Variants in LRRC1 observed in about 807,000 individuals in gnomAD.
LRRC1 encodes leucine-rich repeat-containing protein 1.
In LRRC1, 28 loss-of-function variants were observed where a neutral mutation model predicts 69.9. The observed-to-expected ratio is 0.40, with a 90% CI of 0.30 to 0.55. LRRC1 has a LOEUF of 0.55. Among genes scored for constraint, LRRC1 ranks in the 20% least tolerant of loss-of-function variants. The pLI, the probability that LRRC1 is intolerant of heterozygous loss-of-function variation, is 0.47. For synonymous variants in LRRC1, 236 were observed against 240.2 expected, an observed-to-expected ratio of 0.98 and a Z score of 0.16; for missense variants, 498 against 609.0, an observed-to-expected ratio of 0.82 and a Z score of 1.92.
chr6:53,856,931 C>T (rs566739663), intron 2 of LRRC1, among the ~76,000 whole-genome samples: 26 of 152,014 alleles, frequency 1.7e-4, no homozygotes, highest in Admixed American at 7.2e-4. Flanking sequence ...CTTGCTGGAG[C>T]GGGAGGGAGA....
At position 53,851,173 on chromosome 6, in the gene LRRC1, G is replaced by GACACACACACAC. The variant is rs3222575; in HGVS notation, c.277+8967_277+8978dup. Among the ~76,000 whole-genome samples the GACACACACACAC allele has an allele frequency of 3.6e-3, 522 of 144,762 alleles. 16 individuals are homozygous for GACACACACACAC. The East Asian group carries it at 0.063, about 18-fold the overall frequency. The allele number at this position is 144,762 out of a possible 152,430, so 95.0% of individuals were successfully genotyped here. A position where few individuals can be genotyped will look rare whatever the true frequency, so the allele number is the denominator to read the frequency against. On this transcript the variant is annotated intron_variant, in intron 2 of 13. Coordinates refer to ENST00000370888, the MANE Select transcript of LRRC1 (RefSeq NM_018214.5). ...GTCTCCAGGGAAACAGAACTAATAG[G>GACACACACACAC]ACACACACACACACACACACACACA...
intron 1 of LRRC1, among the ~76,000 whole-genome samples, chr6:53,831,254 A>G (rs1418496668): frequency 1.3e-5 from 2 of 152,142 alleles, no homozygotes; most frequent in East Asian, 3.9e-4. Context: ...TACATAGTCA[A>G]TCCAGTTCAC....
At chr6:53,892,589 A>G (rs1767740524) in intron 4 of LRRC1, among the ~76,000 whole-genome samples, 2 of 152,314 alleles carry the variant, frequency 1.3e-5, no homozygotes, top group South Asian at 4.1e-4. Context: ...TTTGAATTCA[A>G]TGGGTTGCTT....
chr6:53,906,278 A>G (rs1479619478), intron 10 of LRRC1, among the ~76,000 whole-genome samples: 1 of 152,216 alleles, frequency 6.6e-6, no homozygotes, highest in Admixed American at 6.5e-5. Context: ...GTGACCACTT[A>G]TGTAATGCAG....
intron 1 of LRRC1, among the ~76,000 whole-genome samples, chr6:53,812,456 C>T (rs1362104264): frequency 3.3e-5 from 5 of 151,390 alleles, no homozygotes; most frequent in African/African-American, 9.7e-5. Context: ...TTTGGGAGGC[C>T]GAGGCGGGCG....
chr6:53,801,310 A>G (rs1359598746), intron 1 of LRRC1, among the ~76,000 whole-genome samples: 1 of 152,228 alleles, frequency 6.6e-6, no homozygotes, highest in African/African-American at 2.4e-5. Context: ...GTTGTCTGTC[A>G]TGTTAAATTA....
chr6:53,844,365 TCTGA>T (rs1303994155), intron 2 of LRRC1, among the ~76,000 whole-genome samples: 2 of 152,190 alleles, frequency 1.3e-5, no homozygotes, highest in African/African-American at 2.4e-5. Context: ...AAGTTTTGGC[TCTGA>T]CTATTTGGGC....
At chr6:53,839,383 G>A (rs1193510540) in intron 1 of LRRC1, among the ~76,000 whole-genome samples, 2 of 152,086 alleles carry the variant, frequency 1.3e-5, no homozygotes, top group East Asian at 1.9e-4. Flanking sequence ...TTAACATTTG[G>A]AGCATCCTGT....
chr6:53,840,868 G>GT (rs1218808377), intron 1 of LRRC1, among the ~76,000 whole-genome samples: 2 of 149,852 alleles, frequency 1.3e-5, no homozygotes, highest in Non-Finnish European at 3.0e-5. Flanking sequence ...TTCCTCTGGG[G>GT]TGGGGGGGTA....
chr6:53,898,292 T>G (rs553137761), intron 7 of LRRC1, among the ~76,000 whole-genome samples: 1 of 152,324 alleles, frequency 6.6e-6, no homozygotes, highest in East Asian at 1.9e-4. Flanking sequence ...TAGCAACTCT[T>G]GTGGGTAGAG....
At chr6:53,817,738 A>T (rs923006369) in intron 1 of LRRC1, among the ~76,000 whole-genome samples, 1 of 152,180 alleles carries the variant, frequency 6.6e-6, no homozygotes. Context: ...GACATGTGGT[A>T]CTTGTCTTTC....
intron 2 of LRRC1, among the ~76,000 whole-genome samples, chr6:53,858,124 G>A (rs1213308464): frequency 1.3e-5 from 2 of 152,178 alleles, no homozygotes; most frequent in African/African-American, 4.8e-5. Flanking sequence ...CCATGGTTAG[G>A]ACCAGGGTGG....
chr6:53,898,194 A>G (rs1314582956), intron 7 of LRRC1, among the ~76,000 whole-genome samples: 2 of 152,248 alleles, frequency 1.3e-5, no homozygotes, highest in Non-Finnish European at 2.9e-5. Context: ...TGAAGTTTCC[A>G]TGATGTCACC....
At chr6:53,901,401 G>A (rs940078001) in intron 8 of LRRC1, among the ~76,000 whole-genome samples, 2 of 152,124 alleles carry the variant, frequency 1.3e-5, no homozygotes, top group African/African-American at 4.8e-5. Context: ...TTAGCCAAGT[G>A]GGGTGGCACA....
intron 1 of LRRC1, among the ~76,000 whole-genome samples, chr6:53,841,195 T>TA (rs1416829271): frequency 1.3e-5 from 2 of 152,206 alleles, no homozygotes; most frequent in Non-Finnish European, 2.9e-5. Flanking sequence ...TGGTAGGACT[T>TA]ACCTCTTCTG....
chr6:53,873,214 A>G (rs929755362), intron 2 of LRRC1, among the ~76,000 whole-genome samples: 2 of 151,664 alleles, frequency 1.3e-5, no homozygotes, highest in Admixed American at 6.6e-5. Context: ...TGTAGCTATT[A>G]TAAATGGGAT....
In LRRC1 at chr6:53,922,652, A is replaced by C; in HGVS notation, c.1434A>C (p.Arg478=). The stretch of plus-strand genomic sequence containing the variant: ...GTTTTTAGAGAACACTTCTAAGGCG[A>C]GCCACTCCACACCCAGGGGAGTTAA... ...EDNETRTLLR[R]ATPHPGELKH... Residue 478 remains arginine (R), a synonymous_variant, in exon 14 of 14, where the codon CGA becomes CGC. Coordinates refer to ENST00000370888, the MANE Select transcript of LRRC1 (RefSeq NM_018214.5). The C allele has an allele frequency of 6.2e-7, 1 of 1,613,910 alleles. No individual in the cohort carries two copies. The highest frequency in any genetic ancestry group is 8.5e-7 in the Non-Finnish European group (1 of 1,179,846).
intron 1 of LRRC1, among the ~76,000 whole-genome samples, chr6:53,817,584 G>T (rs183362026): frequency 6.6e-6 from 1 of 152,084 alleles, no homozygotes; most frequent in Non-Finnish European, 1.5e-5. Flanking sequence ...GAATGAATGG[G>T]GATTATCTTT....
At chr6:53,912,768 G>A (rs1374532164) in intron 10 of LRRC1, among the ~76,000 whole-genome samples, 4 of 152,194 alleles carry the variant, frequency 2.6e-5, no homozygotes, top group Non-Finnish European at 4.4e-5. Flanking sequence ...GATATATTCA[G>A]ATATCATTGA....
Sources: allele counts gnomAD v4.1 joint callset (sites outside exome capture counted in the v4.1 genomes callset), GRCh38; gene constraint gnomAD v4.1.1; transcripts MANE v1.5; gene names NCBI Gene and HGNC (gene_info 2026-07-23, HGNC 2026-07-21).